The following HSDL2 variants were observed in gnomAD, a reference collection of about 807,000 sequenced individuals.
HSDL2 encodes the protein hydroxysteroid dehydrogenase-like protein 2.
A neutral mutation model predicts 46.3 loss-of-function variants in HSDL2; 27 were observed. The ratio of observed to expected loss-of-function variants is 0.58; its 90% CI spans 0.43 to 0.80. HSDL2 has a LOEUF of 0.80. Among genes scored for constraint, HSDL2 ranks in the 30% least tolerant of loss-of-function variants. The pLI, the probability that HSDL2 is intolerant of heterozygous loss-of-function variation, is 0.00. For missense variants in HSDL2, 451 were observed against 502.7 expected (o/e 0.90, Z 0.98); for synonymous variants, 153 against 163.6 (o/e 0.94, Z 0.50).
intron 9 of HSDL2, 121 bp downstream of exon 9, chr9:112,454,283 C>G (rs1382946168): frequency 2.0e-5 from 14 of 711,296 alleles, no homozygotes; most frequent in Non-Finnish European, 3.2e-5. Context: ...GACCCTTACT[C>G]TTGAATGTAG....
chr9:112,399,200 C>T (rs1221705070), intron 1 of HSDL2, among the ~76,000 whole-genome samples: 2 of 152,188 alleles, frequency 1.3e-5, no homozygotes, highest in African/African-American at 2.4e-5. Context: ...TACAGCTGGG[C>T]TGCCGGGGGT....
At chr9:112,429,962 C>T (rs1008483076) in intron 6 of HSDL2, among the ~76,000 whole-genome samples, 3 of 151,870 alleles carry the variant, frequency 2.0e-5, no homozygotes, top group African/African-American at 7.3e-5. Context: ...GTGCGCCTGT[C>T]GTCCCAACTA....
intron 1 of HSDL2, among the ~76,000 whole-genome samples, chr9:112,398,838 A>G (rs946386869): frequency 1.3e-5 from 2 of 152,152 alleles, no homozygotes; most frequent in Non-Finnish European, 2.9e-5. Context: ...TGCCCTGAAT[A>G]GGATGTCCAT....
At chr9:112,463,019 G>C (rs1345756767) in intron 10 of HSDL2, among the ~76,000 whole-genome samples, 1 of 152,126 alleles carries the variant, frequency 6.6e-6, no homozygotes, top group East Asian at 1.9e-4. Flanking sequence ...GTTGTAGCTG[G>C]TATCAGTAGT....
chr9:112,408,356 A>T (rs1003987895), intron 3 of HSDL2, among the ~76,000 whole-genome samples: 2 of 152,106 alleles, frequency 1.3e-5, no homozygotes, highest in African/African-American at 4.8e-5. Flanking sequence ...TTTCACATGG[A>T]GCTCTGGCAA....
At chr9:112,389,790 C>T (rs1032761741) in intron 1 of HSDL2, among the ~76,000 whole-genome samples, 14 of 152,204 alleles carry the variant, frequency 9.2e-5, no homozygotes, top group East Asian at 7.7e-4. Context: ...GTGGGCCGGG[C>T]GTGGTGGCTT....
intron 8 of HSDL2, among the ~76,000 whole-genome samples, chr9:112,447,605 T>C (rs1309387288): frequency 6.6e-6 from 1 of 152,198 alleles, no homozygotes; most frequent in Non-Finnish European, 1.5e-5. Context: ...GCCTGTGTCA[T>C]TGCTGCCCTT....
intron 6 of HSDL2, among the ~76,000 whole-genome samples, chr9:112,427,491 C>A (rs954693754): frequency 6.6e-6 from 1 of 152,222 alleles, no homozygotes; most frequent in Non-Finnish European, 1.5e-5. Context: ...ACCTTAATAT[C>A]ATCTAATATC....
At chr9:112,421,476 G>A (rs10981400) in intron 6 of HSDL2, among the ~76,000 whole-genome samples, 2,187 of 152,258 alleles carry the variant, frequency 0.014, 44 homozygotes, top group East Asian at 0.096. Context: ...TGCTCTGCCC[G>A]TAATAGTCAC....
chr9:112,446,148 A>G (rs1175954946), intron 8 of HSDL2, among the ~76,000 whole-genome samples: 2 of 150,694 alleles, frequency 1.3e-5, no homozygotes, highest in African/African-American at 4.9e-5. Context: ...ATATTAGGAG[A>G]TATCTCTAGA....
chr9:112,408,107 TC>T (rs554595311), intron 3 of HSDL2, among the ~76,000 whole-genome samples: 101 of 152,340 alleles, frequency 6.6e-4, no homozygotes, highest in African/African-American at 2.3e-3. Flanking sequence ...AGTAGGTCTT[TC>T]TCTTTTCCCA....
At chr9:112,393,629 G>A (rs1056123516) in intron 1 of HSDL2, among the ~76,000 whole-genome samples, 3 of 152,174 alleles carry the variant, frequency 2.0e-5, no homozygotes, top group South Asian at 2.1e-4. Flanking sequence ...TGATCACAGC[G>A]ATTAAAGTGA....
At position 112,436,666 on chromosome 9, in the gene HSDL2, T is replaced by C. The variant is rs188858076; in HGVS notation, c.599-1765T>C. On this transcript the variant is annotated intron_variant, in intron 6 of 10. Transcript: ENST00000398805. ...AGTACATTTAAATAAGTTGACTTTC[T>C]GTGAACCTATGAATTATGTTGGAAA... Among the ~76,000 whole-genome samples, 891 of 152,250 alleles carry C rather than the reference T, an allele frequency of 5.9e-3. 5 individuals are homozygous for C. The highest frequency in any genetic ancestry group is 7.9e-3 in the Non-Finnish European group (536 of 68,016).
intron 4 of HSDL2, among the ~76,000 whole-genome samples, chr9:112,412,165 A>T (rs2132633474): frequency 6.6e-6 from 1 of 152,324 alleles, no homozygotes; most frequent in South Asian, 2.1e-4. Flanking sequence ...GTGATGTTGA[A>T]CTGGTTAAGT....
intron 10 of HSDL2, among the ~76,000 whole-genome samples, chr9:112,462,643 TAAA>T (rs1833247442): frequency 6.8e-6 from 1 of 147,110 alleles, no homozygotes; most frequent in Non-Finnish European, 1.5e-5. Context: ...TGTGTGTGTA[TAAA>T]ACATTGAGCT....
chr9:112,453,574 G>C (rs559067272), intron 8 of HSDL2, among the ~76,000 whole-genome samples: 78 of 152,002 alleles, frequency 5.1e-4, no homozygotes, highest in Non-Finnish European at 8.4e-4. Flanking sequence ...TGTATTTTTT[G>C]TAGAGACAGG....
At chr9:112,442,321 G>A (rs1043621784) in intron 8 of HSDL2, among the ~76,000 whole-genome samples, 5 of 148,952 alleles carry the variant, frequency 3.4e-5, no homozygotes, top group Non-Finnish European at 7.4e-5. Context: ...TATTCTTTGC[G>A]TTTGGTTAAA....
Position 112,470,141 on chromosome 9 carries a change from T to C in HSDL2, c.1145-291T>C, listed in dbSNP as rs570145307. Among the ~76,000 whole-genome samples the C allele has an allele frequency of 5.9e-5, 9 of 152,324 alleles. No individual in the cohort carries two copies. In the South Asian group the frequency reaches 1.9e-3, roughly 32 times the overall value. On this transcript the variant is annotated intron_variant, in intron 10 of 10. Transcript: ENST00000398805. ...GACAGTATTTGTTTACCAGAATTCA[T>C]TTGAGGGCCGTGTATCCTTTAGTGT...
At chr9:112,449,825 T>G (rs1193925011) in intron 8 of HSDL2, among the ~76,000 whole-genome samples, 1 of 151,670 alleles carries the variant, frequency 6.6e-6, no homozygotes, top group Non-Finnish European at 1.5e-5. Flanking sequence ...AGAGTGGAAC[T>G]CAGTTTCAAA....
Sources: allele counts gnomAD v4.1 joint callset (sites outside exome capture counted in the v4.1 genomes callset), GRCh38; gene constraint gnomAD v4.1.1; transcripts MANE v1.5; gene names NCBI Gene and HGNC (gene_info 2026-07-23, HGNC 2026-07-21).